Variants in ARHGAP8 observed in about 807,000 individuals in gnomAD.
ARHGAP8 encodes Rho GTPase activating protein 8, also known as rho GTPase-activating protein 8.
ARHGAP8 carries 62 observed loss-of-function variants against 46.1 expected under a neutral mutation model. That is an observed-to-expected ratio of 1.34 (90% confidence interval 1.10 to 1.66). The LOEUF is 1.66. Among genes scored for constraint, ARHGAP8 ranks in the 40% most tolerant of loss-of-function variants. ARHGAP8 has a pLI of 0.00. For synonymous variants in ARHGAP8, 375 were observed against 243.1 expected (o/e 1.54, Z -5.05); for missense variants, 923 against 568.4 (o/e 1.62, Z -6.34).
chr22:44,860,229 A>G (rs546630327), intron 11 of ARHGAP8, among the ~76,000 whole-genome samples: 3 of 152,206 alleles, frequency 2.0e-5, no homozygotes, highest in Non-Finnish European at 2.9e-5. Context: ...GGATACACCC[A>G]GAACCACGTA....
chr22:44,826,510 C>A (rs924596273), intron 7 of ARHGAP8, among the ~76,000 whole-genome samples: 1 of 152,220 alleles, frequency 6.6e-6, no homozygotes, highest in South Asian at 2.1e-4. Flanking sequence ...CTGCAACCTC[C>A]GCCTCCTGGG....
At chr22:44,842,377 C>T (rs1327050022) in intron 7 of ARHGAP8, among the ~76,000 whole-genome samples, 1 of 152,034 alleles carries the variant, frequency 6.6e-6, no homozygotes, top group Non-Finnish European at 1.5e-5. Context: ...AACAAACAAA[C>T]AAAAACAGCA....
intron 1 of ARHGAP8, among the ~76,000 whole-genome samples, chr22:44,757,818 T>C (rs1423745451): frequency 6.6e-6 from 1 of 151,208 alleles, no homozygotes; most frequent in Non-Finnish European, 1.5e-5. Context: ...TTTTTTTTTT[T>C]TTTTTTTGTA....
rs372808447 is a variant in ARHGAP8, at chr22:44,861,466, A to C, written c.982-809A>C. Among the ~76,000 whole-genome samples the C allele has an allele frequency of 5.8e-3, 691 of 118,368 alleles. 5 individuals carry two copies. Among genetic ancestry groups the C allele is most frequent in the African/African-American group, 0.021 (662 of 32,212 alleles). The allele number at this position is 118,368 out of a possible 152,430, so 77.7% of individuals were successfully genotyped here. A position where few individuals can be genotyped will look rare whatever the true frequency, so the allele number is the denominator to read the frequency against. ...CCTGCAACGGGCTTGGGGGACCGGC[A>C]GCCAGGGGGAGCCTGAAAGGCATCC... On this transcript the variant is annotated intron_variant, in intron 11 of 11. Coordinates refer to ENST00000356099, the MANE Select transcript of ARHGAP8 (RefSeq NM_181335.3).
intron 2 of ARHGAP8, among the ~76,000 whole-genome samples, chr22:44,796,476 C>A (rs560426610): frequency 8.9e-6 from 1 of 112,522 alleles, no homozygotes; most frequent in African/African-American, 3.6e-5. Context: ...TTATTCATGG[C>A]GGGGGTGGGG....
At chr22:44,789,713 C>A (rs1384538625) in intron 2 of ARHGAP8, among the ~76,000 whole-genome samples, 1 of 152,102 alleles carries the variant, frequency 6.6e-6, no homozygotes, top group Admixed American at 6.5e-5. Flanking sequence ...GTTACCCAGG[C>A]TGGTCTTGAA....
chr22:44,858,449 C>T (rs1420691007), intron 10 of ARHGAP8, among the ~76,000 whole-genome samples: 11 of 145,812 alleles, frequency 7.5e-5, no homozygotes, highest in African/African-American at 2.6e-4. Context: ...CTCAGTGCAG[C>T]CTCTGTCTTC....
At chr22:44,771,049 GGTGGTTTCACT>G (rs972565317) in intron 1 of ARHGAP8, among the ~76,000 whole-genome samples, 1 of 152,116 alleles carries the variant, frequency 6.6e-6, no homozygotes, top group African/African-American at 2.4e-5. Flanking sequence ...ATTTGGCAAA[GGTGGTTTCACT>G]GTTGTTGATG....
At chr22:44,823,959 G>A (rs574953800) in intron 6 of ARHGAP8, among the ~76,000 whole-genome samples, 55 of 152,208 alleles carry the variant, frequency 3.6e-4, no homozygotes, top group African/African-American at 4.8e-4. Context: ...GTAGGCAGCC[G>A]GCACCCCTGT....
chr22:44,855,438 G>A (rs4308203), intron 10 of ARHGAP8, among the ~76,000 whole-genome samples: 39,440 of 151,974 alleles, frequency 0.26, 6,128 homozygotes, highest in East Asian at 0.46. Context: ...GTGCTGGGAT[G>A]ACAGGCATGA....
chr22:44,788,006 A>G (rs1007136466), intron 2 of ARHGAP8, among the ~76,000 whole-genome samples: 2 of 146,846 alleles, frequency 1.4e-5, no homozygotes, highest in Non-Finnish European at 3.0e-5. Flanking sequence ...ACCGAGTGTG[A>G]GGAATGCAGA....
intron 1 of ARHGAP8, among the ~76,000 whole-genome samples, chr22:44,785,008 G>C (rs1302375753): frequency 6.6e-6 from 1 of 152,174 alleles, no homozygotes; most frequent in Non-Finnish European, 1.5e-5. Flanking sequence ...TAAATACCAG[G>C]TAAACACCCC....
Position 44,860,411 on chromosome 22 carries a change from T to G in ARHGAP8, c.981+577T>G, listed in dbSNP as rs548990781. Among the ~76,000 whole-genome samples, 6 of 151,994 alleles carry G rather than the reference T, an allele frequency of 3.9e-5. No homozygotes were observed. In the East Asian group the frequency reaches 1.2e-3, roughly 29 times the overall value. On this transcript the variant is annotated intron_variant, in intron 11 of 11. Transcript: ENST00000356099. ...AGCTCCTGGTCACTCCAGCTATGCC[T>G]CCAGCTCCCCCCTGGCCTTTGTCTG...
intron 1 of ARHGAP8, among the ~76,000 whole-genome samples, chr22:44,769,885 A>G (rs116842926): frequency 6.6e-6 from 1 of 152,284 alleles, no homozygotes; most frequent in East Asian, 1.9e-4. Context: ...AGGGTTTCTC[A>G]AGGATATTTT....
intron 1 of ARHGAP8, among the ~76,000 whole-genome samples, chr22:44,761,390 A>C (rs1925123224): frequency 6.6e-6 from 1 of 152,256 alleles, no homozygotes; most frequent in East Asian, 1.9e-4. Flanking sequence ...GAATTTATAC[A>C]GACTTTTCTC....
intron 3 of ARHGAP8, among the ~76,000 whole-genome samples, chr22:44,806,616 G>A (rs1170744306): frequency 6.6e-6 from 1 of 152,134 alleles, no homozygotes; most frequent in Non-Finnish European, 1.5e-5. Context: ...CTGCAGTTCA[G>A]GTGGTATGGG....
chr22:44,836,344 G>A lies in ARHGAP8; in HGVS notation c.597-8925G>A, dbSNP rs116517163. Among the ~76,000 whole-genome samples, 1,201 of 152,062 alleles carry A rather than the reference G, an allele frequency of 7.9e-3. 19 individuals are homozygous for A. The highest frequency in any genetic ancestry group is 0.027 in the African/African-American group (1,120 of 41,456). ...GCCTCCTGAGTAGCTGGGATTACAGGTGTATTGTCACACTGCTTGTCTTTT... is the reference window on the plus strand; with the variant it reads ...GCCTCCTGAGTAGCTGGGATTACAGATGTATTGTCACACTGCTTGTCTTTT... On this transcript the variant is annotated intron_variant, in intron 7 of 11. Transcript: ENST00000356099.
chr22:44,835,386 G>A (rs770222293), intron 7 of ARHGAP8, among the ~76,000 whole-genome samples: 10 of 152,184 alleles, frequency 6.6e-5, no homozygotes, highest in East Asian at 3.9e-4. Flanking sequence ...TTGGGAGGCC[G>A]AGGTGGGCGG....
rs41278891 is a variant in ARHGAP8, at chr22:44,862,493, G to T, written c.1200G>T (p.Arg400Ser). ...TGGCACCATGGGAACAGGGGAGCAGGGCAGCCCCTTTGCAGGAGGCTGTGC... is the reference window on the plus strand; with the variant it reads ...TGGCACCATGGGAACAGGGGAGCAGTGCAGCCCCTTTGCAGGAGGCTGTGC... ...HGLAPWEQGS[R>S]AAPLQEAVPR... The change falls in exon 12 of 12, where the codon AGG becomes AGT. Residue 400 changes from arginine to serine, a missense_variant. Arg to Ser is a moderately radical substitution (Grantham distance 110). Coordinates refer to ENST00000356099, the MANE Select transcript of ARHGAP8 (RefSeq NM_181335.3). The T allele has an allele frequency of 6.2e-7, 1 of 1,613,622 alleles. No individual in the cohort carries two copies. The highest frequency in any genetic ancestry group is 8.5e-7 in the Non-Finnish European group (1 of 1,179,694).
Sources: gnomAD v4.1 joint callset for allele counts (sites outside exome capture counted in the v4.1 genomes callset) on GRCh38, gnomAD v4.1.1 for gene constraint, MANE v1.5 for transcripts, NCBI Gene and HGNC (gene_info 2026-07-23, HGNC 2026-07-21) for gene names.